NOL4L: variants seen among roughly 807,000 people sequenced by gnomAD.
The protein encoded by NOL4L is nucleolar protein 4-like.
In NOL4L, 7 loss-of-function variants were observed where a neutral mutation model predicts 64.5. The ratio of observed to expected loss-of-function variants is 0.11; its 90% confidence interval spans 0.06 to 0.20. The LOEUF (loss-of-function observed/expected upper bound fraction) is 0.20, where lower values mean the gene tolerates loss of function less well. Among genes scored for constraint, NOL4L ranks in the 10% least tolerant of loss-of-function variants. NOL4L has a pLI of 1.00. For synonymous variants in NOL4L, 413 were observed against 401.0 expected (o/e 1.03, Z -0.36); for missense variants, 680 against 967.1 (o/e 0.70, Z 3.94).
At chr20:32,536,590 G>C (rs1046960270) in intron 1 of NOL4L, among the ~76,000 whole-genome samples, 2 of 148,534 alleles carry the variant, frequency 1.3e-5, no homozygotes, top group Non-Finnish European at 3.0e-5. Context: ...GGTTCGGAGG[G>C]CCTGCTGGAG....
At chr20:32,502,586 C>CA (rs995588690) in intron 4 of NOL4L, among the ~76,000 whole-genome samples, 1,598 of 136,896 alleles carry the variant, frequency 0.012, 23 homozygotes, top group African/African-American at 0.04. Context: ...GACTCCATCT[C>CA]AAAAAAAAAA....
At chr20:32,580,931 G>A (rs1370253364) in intron 1 of NOL4L, among the ~76,000 whole-genome samples, 1 of 152,242 alleles carries the variant, frequency 6.6e-6, no homozygotes, top group African/African-American at 2.4e-5. Flanking sequence ...AGAGGAAAAG[G>A]AAAGGGGTTG....
chr20:32,533,888 C>A (rs371470164), intron 1 of NOL4L, among the ~76,000 whole-genome samples: 1 of 152,200 alleles, frequency 6.6e-6, no homozygotes, highest in Non-Finnish European at 1.5e-5. Flanking sequence ...CCTGCCGGGG[C>A]GACCTCAGGG....
chr20:32,456,138 C>G lies in NOL4L; in HGVS notation c.1099G>C (p.Gly367Arg), dbSNP rs149565837. 2.6e-6 allele frequency: 4 copies of G among 1,547,692 alleles called. No homozygotes were observed. Among genetic ancestry groups the G allele is most frequent in the South Asian group, 1.2e-5 (1 of 81,560 alleles). Residue 367 changes from glycine (G) to arginine (R), a missense_variant, in exon 6 of 11, where the codon GGG (glycine) becomes CGG (arginine). Gly to Arg is a moderately radical substitution (Grantham distance 125). This residue lies in a region of NOL4L where 254 missense variants were observed against 238.7 expected (regional missense o/e 1.06). Transcript: ENST00000621426. ...ADGLRSRVKY[G>R]VKTTPESPPY... ...CACACCTCGGGGGTGGTCTTCACCC[C>G]GTATTTGACGCGGCTCCGCAGCCCG...
At chr20:32,486,314 C>A (rs1323978639) in intron 4 of NOL4L, among the ~76,000 whole-genome samples, 1 of 152,226 alleles carries the variant, frequency 6.6e-6, no homozygotes, top group Admixed American at 6.5e-5. Flanking sequence ...ACCACTAATT[C>A]TCCCAGTGAT....
intron 1 of NOL4L, among the ~76,000 whole-genome samples, chr20:32,546,763 G>A (rs2018738532): frequency 6.6e-6 from 1 of 152,174 alleles, no homozygotes; most frequent in South Asian, 2.1e-4. Context: ...CTTCTGGCCT[G>A]GGCAAGACAT....
intron 4 of NOL4L, among the ~76,000 whole-genome samples, chr20:32,496,884 T>C (rs1600759113): frequency 6.6e-6 from 1 of 151,914 alleles, no homozygotes; most frequent in East Asian, 1.9e-4. Flanking sequence ...TAATGCTGTG[T>C]TGCAGGGAGG....
chr20:32,555,066 C>G (rs1978563165), intron 1 of NOL4L, among the ~76,000 whole-genome samples: 1 of 152,162 alleles, frequency 6.6e-6, no homozygotes, highest in African/African-American at 2.4e-5. Context: ...GTACCCTGAC[C>G]ATGCTGGCTT....
chr20:32,501,679 A>C (rs760920526), intron 4 of NOL4L, among the ~76,000 whole-genome samples: 23 of 152,170 alleles, frequency 1.5e-4, no homozygotes, highest in Admixed American at 3.3e-4. Flanking sequence ...AAAATAGTCT[A>C]TCAAAAAAAA....
chr20:32,515,410 T>A (rs372825217), intron 3 of NOL4L, among the ~76,000 whole-genome samples: 12 of 152,004 alleles, frequency 7.9e-5, no homozygotes, highest in African/African-American at 2.9e-4. Flanking sequence ...GGTGAGGAAA[T>A]GAGCCATGGA....
At chr20:32,546,619 T>C (rs1208365058) in intron 1 of NOL4L, among the ~76,000 whole-genome samples, 1 of 152,134 alleles carries the variant, frequency 6.6e-6, no homozygotes, top group African/African-American at 2.4e-5. Context: ...GTATTTTTAG[T>C]AGAGACAGAG....
At chr20:32,451,109 G>C (rs2012855915) in intron 10 of NOL4L, among the ~76,000 whole-genome samples, 1 of 152,146 alleles carries the variant, frequency 6.6e-6, no homozygotes, top group Admixed American at 6.5e-5. Context: ...TGGGGGCTTA[G>C]GGAATCCTCA....
chr20:32,514,266 C>T (rs969247272), intron 3 of NOL4L, among the ~76,000 whole-genome samples: 24 of 152,062 alleles, frequency 1.6e-4, no homozygotes, highest in South Asian at 2.1e-4. Flanking sequence ...CTGAGGCAGG[C>T]GGATCACCCG....
At chr20:32,514,206 C>A (rs888596356) in intron 3 of NOL4L, among the ~76,000 whole-genome samples, 1 of 151,824 alleles carries the variant, frequency 6.6e-6, no homozygotes, top group African/African-American at 2.4e-5. Context: ...AAGAAGTAGA[C>A]GTCGGCTGGG....
intron 1 of NOL4L, among the ~76,000 whole-genome samples, chr20:32,562,247 A>AC (rs1979069829): frequency 6.6e-6 from 1 of 151,528 alleles, no homozygotes; most frequent in African/African-American, 2.4e-5. Flanking sequence ...ATTGACTTCC[A>AC]CCCCCCACCC....
chr20:32,539,070 G>A lies in NOL4L; in HGVS notation c.322-11157C>T, dbSNP rs1054290816. 3.9e-5 allele frequency among the ~76,000 whole-genome samples: 6 copies of A among 152,298 alleles called. No homozygotes were observed. The South Asian group carries it at 8.3e-4, about 21-fold the overall frequency. ...CGGCACAGAGTGTCTAGGGCTGGGC[G>A]TTGGGAGACTCAGTTTCTTGCCAGC... On this transcript the variant is annotated intron_variant, in intron 1 of 10. Transcript: ENST00000621426.
chr20:32,566,286 T>C (rs887039055), intron 1 of NOL4L, among the ~76,000 whole-genome samples: 1 of 152,160 alleles, frequency 6.6e-6, no homozygotes, highest in African/African-American at 2.4e-5. Flanking sequence ...CAGGGCCATC[T>C]GCGAATCCGT....
chr20:32,552,923 G>A (rs1173089089), intron 1 of NOL4L, among the ~76,000 whole-genome samples: 2 of 152,322 alleles, frequency 1.3e-5, no homozygotes, highest in African/African-American at 4.8e-5. Context: ...GGAATCGCTT[G>A]AATCTGGGGG....
At chr20:32,499,651 A>T (rs2016837127) in intron 4 of NOL4L, among the ~76,000 whole-genome samples, 1 of 145,406 alleles carries the variant, frequency 6.9e-6, no homozygotes, top group Admixed American at 7.0e-5. Flanking sequence ...AGGCAGGAGA[A>T]TTGCTTGAAC....
Sources: gnomAD v4.1 joint callset for allele counts (sites outside exome capture counted in the v4.1 genomes callset) on GRCh38, gnomAD v4.1.1 for gene constraint, gnomAD v4.1.1 regional missense constraint, MANE v1.5 for transcripts, NCBI Gene and HGNC (gene_info 2026-07-23, HGNC 2026-07-21) for gene names.